The following GRID1 variants were observed in gnomAD, a reference collection of about 807,000 sequenced individuals.
The protein encoded by GRID1 is glutamate ionotropic receptor delta type subunit 1.
A neutral mutation model predicts 98.0 loss-of-function variants in GRID1; 28 were observed. The ratio of observed to expected loss-of-function variants is 0.29; its 90% CI spans 0.21 to 0.39. The LOEUF (loss-of-function observed/expected upper bound fraction) is 0.39. Among genes scored for constraint, GRID1 ranks in the 10% least tolerant of loss-of-function variants. GRID1 has a pLI of 1.00. For synonymous variants in GRID1, 553 were observed against 538.5 expected, an observed-to-expected ratio of 1.03 and a Z score of -0.37; for missense variants, 1,111 against 1,340.5, an observed-to-expected ratio of 0.83 and a Z score of 2.67.
chr10:86,111,650 A>G (rs1444252515), intron 4 of GRID1, among the ~76,000 whole-genome samples: 1 of 152,192 alleles, frequency 6.6e-6, no homozygotes, highest in African/African-American at 2.4e-5. Flanking sequence ...AGCTACATTC[A>G]ACTGCCTTCA....
At chr10:85,755,746 C>T (rs1300662223) in intron 8 of GRID1, among the ~76,000 whole-genome samples, 1 of 152,136 alleles carries the variant, frequency 6.6e-6, no homozygotes, top group African/African-American at 2.4e-5. Context: ...GGGGCCCTGA[C>T]ACCCTTGCCC....
At chr10:85,991,585 G>A (rs1842680813) in intron 4 of GRID1, among the ~76,000 whole-genome samples, 1 of 152,176 alleles carries the variant, frequency 6.6e-6, no homozygotes, top group African/African-American at 2.4e-5. Context: ...AAACTGCCAA[G>A]TCAGGAGGGC....
intron 2 of GRID1, among the ~76,000 whole-genome samples, chr10:86,208,467 C>T (rs1049888666): frequency 1.3e-5 from 2 of 152,124 alleles, no homozygotes; most frequent in Admixed American, 6.5e-5. Flanking sequence ...GTCTTGCAAG[C>T]TCCCATACCT....
At position 85,854,621 on chromosome 10, in the gene GRID1, G is replaced by A. The variant is rs1039376209; in HGVS notation, c.1114-6C>T. ...GTGAGGCCAGTGATGTGGCCCTGCA[G>A]AAGAGGAGAAAAACCCATTGGAAAA... On this transcript the variant is annotated splice_polypyrimidine_tract_variant and splice_region_variant and intron_variant, in intron 7 of 15. Coordinates refer to ENST00000327946, the MANE Select transcript of GRID1 (RefSeq NM_017551.3). 1.9e-6 allele frequency: 3 copies of A among 1,613,886 alleles called. No individual in the cohort carries two copies. Among genetic ancestry groups the A allele is most frequent in the African/African-American group, 2.7e-5 (2 of 74,928 alleles).
intron 4 of GRID1, among the ~76,000 whole-genome samples, chr10:86,083,240 C>A (rs1389062690): frequency 6.6e-6 from 1 of 152,164 alleles, no homozygotes; most frequent in Non-Finnish European, 1.5e-5. Flanking sequence ...TTGGGAGATG[C>A]CCTTTCTTAG....
rs762489698 is a variant in GRID1 at position 85,723,032 on chromosome 10, G to A, written c.1968C>T (p.Leu656=). 2.0e-5 allele frequency: 33 copies of A among 1,612,368 alleles called. No individual in the cohort carries two copies. Among genetic ancestry groups the A allele is most frequent in the Admixed American group, 6.7e-5 (4 of 59,848 alleles). Residue 656 remains leucine (L), a synonymous_variant, in exon 12 of 16, where the codon CTC becomes CTT. Transcript: ENST00000327946. The stretch of plus-strand genomic sequence containing the variant: ...TGGGGTTGTCCATCCTGGACACTGT[G>A]AGGAAGGCAGCAAGGTTGGCTGTGT... ...SSYTANLAAF[L]TVSRMDNPIR...
intron 4 of GRID1, among the ~76,000 whole-genome samples, chr10:86,054,074 G>A (rs1365038655): frequency 6.6e-6 from 1 of 152,112 alleles, no homozygotes; most frequent in Non-Finnish European, 1.5e-5. Context: ...GCCTAGTCCA[G>A]GCTCCAAAAA....
rs933562817 is a variant in GRID1 at position 86,206,883 on chromosome 10, T to C, written c.236-235A>G. On this transcript the variant is annotated intron_variant, in intron 2 of 15. Coordinates refer to ENST00000327946, the MANE Select transcript of GRID1 (RefSeq NM_017551.3). The surrounding 1 kb of genome is among the most constrained non-coding windows in gnomAD (Gnocchi z 4.1). ...CTTGTACCCATTTAACATGAGAAAA[T>C]AGAAGTCAAAACGGGCAAAACCATT... Among the ~76,000 whole-genome samples, 8 of 152,016 alleles carry C rather than the reference T, an allele frequency of 5.3e-5. No homozygotes were observed. The highest frequency in any genetic ancestry group is 3.3e-4 in the Admixed American group (5 of 15,264).
chr10:86,338,567 C>T (rs1445602614), intron 2 of GRID1, among the ~76,000 whole-genome samples: 3 of 152,054 alleles, frequency 2.0e-5, no homozygotes, highest in Non-Finnish European at 4.4e-5. Flanking sequence ...AGTAACAGCC[C>T]CCCAGGGGAG....
At chr10:86,363,501 C>T (rs1848630621) in intron 2 of GRID1, among the ~76,000 whole-genome samples, 1 of 152,230 alleles carries the variant, frequency 6.6e-6, no homozygotes, top group African/African-American at 2.4e-5. Context: ...GGGCTCCAGC[C>T]GCTGGGCGCT....
In GRID1 at chr10:85,992,534, G is replaced by T. The variant is rs145890486; in HGVS notation, c.727-76295C>A. Among the ~76,000 whole-genome samples the T allele has an allele frequency of 4.6e-3, 705 of 152,062 alleles. 3 individuals carry two copies. The highest frequency in any genetic ancestry group is 0.024 in the Middle Eastern group (7 of 294). ...AGGTCACTGGGCATGAGCCAGATTGGAGGTGGGAGGAAAGAGTGAGCCAGA... is the reference window on the plus strand; with the variant it reads ...AGGTCACTGGGCATGAGCCAGATTGTAGGTGGGAGGAAAGAGTGAGCCAGA... On this transcript the variant is annotated intron_variant, in intron 4 of 15. Transcript: ENST00000327946.
At chr10:85,757,466 T>A (rs1462457974) in intron 8 of GRID1, among the ~76,000 whole-genome samples, 1 of 152,228 alleles carries the variant, frequency 6.6e-6, no homozygotes, top group Non-Finnish European at 1.5e-5. Flanking sequence ...ACAGACATAA[T>A]GATCTCTGAT....
chr10:86,313,903 G>C (rs1046423986), intron 2 of GRID1, among the ~76,000 whole-genome samples: 1 of 152,144 alleles, frequency 6.6e-6, no homozygotes, highest in African/African-American at 2.4e-5. Context: ...CAAAACCCCT[G>C]TATTTCTTGC....
chr10:86,300,997 G>A (rs1847677711), intron 2 of GRID1, among the ~76,000 whole-genome samples: 1 of 152,212 alleles, frequency 6.6e-6, no homozygotes, highest in Non-Finnish European at 1.5e-5. Flanking sequence ...CCAGCTAGGC[G>A]GTCTTGGAGA....
At chr10:86,213,961 AT>A (rs765416012) in intron 2 of GRID1, among the ~76,000 whole-genome samples, 4 of 151,982 alleles carry the variant, frequency 2.6e-5, no homozygotes, top group African/African-American at 4.8e-5. Context: ...TCTCCCAAAT[AT>A]ATCTTGAGCC....
intron 3 of GRID1, among the ~76,000 whole-genome samples, chr10:86,185,285 T>C (rs888281474): frequency 6.6e-6 from 1 of 152,200 alleles, no homozygotes; most frequent in Non-Finnish European, 1.5e-5. Flanking sequence ...CAATTGTTCA[T>C]TGCTAGTATG....
At chr10:86,359,194 G>A (rs1848570969) in intron 2 of GRID1, among the ~76,000 whole-genome samples, 1 of 152,196 alleles carries the variant, frequency 6.6e-6, no homozygotes. Flanking sequence ...GGGTCTACAG[G>A]CATCTTTAGG....
In GRID1 at chr10:85,858,257, A is replaced by G. The variant is rs73340508; in HGVS notation, c.952-2067T>C. 4.1e-3 allele frequency among the ~76,000 whole-genome samples: 625 copies of G among 152,314 alleles called. 7 individuals carry two copies. The highest frequency in any genetic ancestry group is 0.014 in the African/African-American group (596 of 41,558). ...ATGGCCAGATGTTGCAGAGGTGTCA[A>G]GAGTGTGCTAAAGCAAGAGCCTTGA... On this transcript the variant is annotated intron_variant, in intron 6 of 15. Transcript: ENST00000327946.
intron 13 of GRID1, among the ~76,000 whole-genome samples, chr10:85,624,165 T>G (rs529587425): frequency 7.2e-5 from 11 of 152,342 alleles, no homozygotes; most frequent in Admixed American, 3.3e-4. Context: ...AAATAGATTA[T>G]TGGCATTTAT....
Sources: gnomAD v4.1 joint callset for allele counts (sites outside exome capture counted in the v4.1 genomes callset) on GRCh38, gnomAD v4.1.1 for gene constraint, Gnocchi (gnomAD v3.1) non-coding constraint, MANE v1.5 for transcripts, NCBI Gene and HGNC (gene_info 2026-07-23, HGNC 2026-07-21) for gene names.